The following ECPAS variants were observed in gnomAD, a reference collection of about 807,000 sequenced individuals.
The protein encoded by ECPAS is Ecm29 proteasome adaptor and scaffold.
Under a neutral mutation model 255.1 loss-of-function variants are expected in ECPAS, and 70 were observed. The observed-to-expected ratio is 0.27, with a 90% CI of 0.23 to 0.33. The LOEUF (loss-of-function observed/expected upper bound fraction) is 0.33, where lower values mean the gene tolerates loss of function less well. Among genes scored for constraint, ECPAS ranks in the 10% least tolerant of loss-of-function variants. ECPAS has a pLI of 1.00. For synonymous variants in ECPAS, 784 were observed against 775.0 expected (o/e 1.01, Z -0.19); for missense variants, 1,817 against 2,206.4 (o/e 0.82, Z 3.54).
chr9:111,372,069 T>C (rs2098128009), intron 42 of ECPAS, among the ~76,000 whole-genome samples: 1 of 152,188 alleles, frequency 6.6e-6, no homozygotes, highest in African/African-American at 2.4e-5. Flanking sequence ...CATCAATTAA[T>C]ATGCGACAAG....
intron 48 of ECPAS, among the ~76,000 whole-genome samples, 196 bp from the exon 49 acceptor site, chr9:111,363,855 T>C (rs543518610): frequency 1.4e-4 from 21 of 152,278 alleles, no homozygotes; most frequent in African/African-American, 3.1e-4. Context: ...CCACAGTCTT[T>C]ACTTTGGAAA....
intron 2 of ECPAS, among the ~76,000 whole-genome samples, chr9:111,470,810 G>A (rs2098286944): frequency 6.7e-6 from 1 of 149,614 alleles, no homozygotes; most frequent in Non-Finnish European, 1.5e-5. Context: ...GGAAATCATA[G>A]GAGTAGCTTG....
chr9:111,408,692 T>G lies in ECPAS; in HGVS notation c.2551-20A>C, dbSNP rs1261535914. ...TTTCATCTGGAAGAACACCAAATTT[T>G]TTTCTTTTAAACAGAGTATATAATA... On this transcript the variant is annotated intron_variant, in intron 23 of 49. Transcript: ENST00000684092. 6.7e-7 allele frequency: 1 copy of G among 1,502,818 alleles called. No individual in the cohort carries two copies. The highest frequency in any genetic ancestry group is 1.4e-5 in the African/African-American group (1 of 71,208). The allele number at this position is 1,502,818 out of a possible 1,614,324, so 93.1% of individuals were successfully genotyped here.
At chr9:111,443,606 T>C (rs941465698) in intron 4 of ECPAS, among the ~76,000 whole-genome samples, 1 of 152,090 alleles carries the variant, frequency 6.6e-6, no homozygotes, top group African/African-American at 2.4e-5. Context: ...TTCAAATAAA[T>C]TATATTTGGC....
chr9:111,481,590 T>C (rs758500561), intron 1 of ECPAS, among the ~76,000 whole-genome samples: 8 of 152,162 alleles, frequency 5.3e-5, no homozygotes, highest in Non-Finnish European at 1.0e-4. Context: ...AGCAATTACA[T>C]TTCTGGGTAT....
chr9:111,386,328 A>G (rs770101133), intron 32 of ECPAS, 49 bp downstream of exon 32: 3 of 1,209,072 alleles, frequency 2.5e-6, no homozygotes, highest in Admixed American at 4.1e-5. Context: ...TTTTGAAGGG[A>G]AAAAAATTCA....
intron 1 of ECPAS, among the ~76,000 whole-genome samples, chr9:111,483,079 C>T (rs1174113581): frequency 6.6e-6 from 1 of 152,214 alleles, no homozygotes; most frequent in Non-Finnish European, 1.5e-5. Flanking sequence ...TCTCCCCCTT[C>T]CCGAAAGCTC....
chr9:111,414,684 G>C (rs749532411), intron 18 of ECPAS, 33 bp from the exon 19 acceptor site: 12 of 1,571,386 alleles, frequency 7.6e-6, no homozygotes, highest in Non-Finnish European at 9.6e-6. Context: ...GACTGCATAA[G>C]CTTCTCGAAA....
At chr9:111,378,299 C>T (rs746867640) in intron 36 of ECPAS, among the ~76,000 whole-genome samples, 24 of 152,150 alleles carry the variant, frequency 1.6e-4, no homozygotes, top group Non-Finnish European at 3.2e-4. Flanking sequence ...TGGAAGGACT[C>T]TGAAGGTATA....
chr9:111,400,978 C>G (rs909021468), intron 24 of ECPAS, among the ~76,000 whole-genome samples: 1 of 152,058 alleles, frequency 6.6e-6, no homozygotes, highest in Middle Eastern at 3.4e-3. Flanking sequence ...AATAAACTCA[C>G]AAAGGTCATG....
Position 111,451,038 on chromosome 9 carries a change from T to G in ECPAS, c.153+387A>C, listed in dbSNP as rs1457419026. On this transcript the variant is annotated intron_variant, in intron 3 of 49. Coordinates refer to ENST00000684092, the MANE Select transcript of ECPAS (RefSeq NM_001364929.1). Reference sequence around the variant, plus strand: ...GCTATAAAATTATTTTGCTTAAATTTTTTTTTATTTTGCTTACTTTTAGTT... The same window carrying G: ...GCTATAAAATTATTTTGCTTAAATTGTTTTTTATTTTGCTTACTTTTAGTT... Among the ~76,000 whole-genome samples, 4 of 152,378 alleles carry G rather than the reference T, an allele frequency of 2.6e-5. No individual in the cohort carries two copies. The East Asian group carries it at 7.7e-4, about 29-fold the overall frequency.
chr9:111,425,448 G>A lies in ECPAS; in HGVS notation c.1185C>T (p.Gly395=), dbSNP rs201142575. Residue 395 remains glycine (G), a synonymous_variant, in exon 12 of 50, where the codon GGC becomes GGT. Transcript: ENST00000684092. ...TGTATTCATTGATTAGCTTGGTGAGGCCATTCAAAAGCATTGGACCTAATG... is the reference window on the plus strand; with the variant it reads ...TGTATTCATTGATTAGCTTGGTGAGACCATTCAAAAGCATTGGACCTAATG... ...IKPLGPMLLN[G]LTKLINEYKE... 6.2e-6 allele frequency: 10 copies of A among 1,600,746 alleles called. No individual in the cohort carries two copies. In the Admixed American group the frequency reaches 8.7e-5, roughly 14 times the overall value.
intron 24 of ECPAS, among the ~76,000 whole-genome samples, chr9:111,401,822 G>A (rs1297463257): frequency 6.6e-6 from 1 of 152,154 alleles, no homozygotes; most frequent in African/African-American, 2.4e-5. Flanking sequence ...AGAAAAATAT[G>A]GCTCTATTCT....
intron 24 of ECPAS, among the ~76,000 whole-genome samples, chr9:111,404,693 C>A (rs546845908): frequency 9.4e-5 from 14 of 148,220 alleles, no homozygotes; most frequent in South Asian, 4.2e-4. Context: ...AACTGTGAGT[C>A]AATTAAACCT....
intron 39 of ECPAS, 103 bp downstream of exon 39, chr9:111,373,869 A>C: frequency 1.2e-6 from 1 of 830,922 alleles, no homozygotes; most frequent in Non-Finnish European, 2.0e-6. Context: ...GGCACACAGC[A>C]TCACAAGCAG....
chr9:111,377,907 G>C (rs2098135333), intron 36 of ECPAS, among the ~76,000 whole-genome samples: 1 of 152,202 alleles, frequency 6.6e-6, no homozygotes, highest in African/African-American at 2.4e-5. Context: ...AGCACTTTGG[G>C]AGGCTGAGGC....
intron 2 of ECPAS, among the ~76,000 whole-genome samples, chr9:111,472,664 G>C (rs945454099): frequency 1.3e-5 from 2 of 150,736 alleles, no homozygotes; most frequent in Non-Finnish European, 3.0e-5. Context: ...AAGACTTCAA[G>C]TTTTATCTTT....
In ECPAS at chr9:111,465,094, T is replaced by C. The variant is rs867370156; in HGVS notation, c.22+7803A>G. Among the ~76,000 whole-genome samples, 29 of 151,958 alleles carry C rather than the reference T, an allele frequency of 1.9e-4. 1 individual carries two copies. The Middle Eastern group carries it at 0.014, about 72-fold the overall frequency. On this transcript the variant is annotated intron_variant, in intron 2 of 49. Transcript: ENST00000684092. ...TGGAGGTTGTGGTGAGTCGAAATCA[T>C]CCCACTGCACACCAACCTGGGCAAC... is the stretch of plus-strand genomic sequence containing the variant.
intron 2 of ECPAS, 47 bp downstream of exon 2, chr9:111,472,850 C>A: frequency 1.6e-6 from 1 of 613,388 alleles, no homozygotes; most frequent in Non-Finnish European, 2.4e-6. Flanking sequence ...TTTTTAAATG[C>A]TGCTACAAAA....
Sources: gnomAD v4.1 joint callset for allele counts (sites outside exome capture counted in the v4.1 genomes callset) on GRCh38, gnomAD v4.1.1 for gene constraint, MANE v1.5 for transcripts, NCBI Gene and HGNC (gene_info 2026-07-23, HGNC 2026-07-21) for gene names.